The following ADRA1A variants were observed in gnomAD, a reference collection of about 807,000 sequenced individuals.
The protein encoded by ADRA1A is alpha-1A adrenergic receptor.
In ADRA1A, 31 loss-of-function variants were observed where a neutral mutation model predicts 29.6. The ratio of observed to expected loss-of-function variants is 1.05; its 90% CI spans 0.79 to 1.41. ADRA1A has a LOEUF of 1.41. Ranked by LOEUF, ADRA1A falls within the 40% of genes most tolerant of loss-of-function variation. The pLI is 0.00. For missense variants in ADRA1A, 619 were observed against 601.1 expected, an observed-to-expected ratio of 1.03 and a Z score of -0.31; for synonymous variants, 311 against 254.3, an observed-to-expected ratio of 1.22 and a Z score of -2.12.
chr8:26,864,343 C>T lies in ADRA1A; in HGVS notation c.627G>A (p.Val209=). The T allele has an allele frequency of 1.2e-6, 2 of 1,614,058 alleles. No individual in the cohort carries two copies. The highest frequency in any genetic ancestry group is 1.7e-5 in the Admixed American group (1 of 60,028). ...IILVMYCRVY[V]VAKRESRGLK... is the part of the protein sequence containing the mutation. ...GGCCCCGGCTCTCCCTCTTGGCCAC[C>T]ACGTAGACGCGGCAGTACATGACCA... The change falls in exon 2 of 3, where the codon GTG becomes GTA. Residue 209 remains valine (V), a synonymous_variant. Coordinates refer to ENST00000380573, the MANE Select transcript of ADRA1A (RefSeq NM_000680.4). This position sits in a 1 kb window ranked among gnomAD's most constrained non-coding sequence, Gnocchi z 8.1.
Position 26,772,882 on chromosome 8 carries a change from C to A in ADRA1A, c.884-2216G>T, listed in dbSNP as rs2132448. Among the ~76,000 whole-genome samples the A allele has an allele frequency of 2.2e-3, 170 of 78,502 alleles. 2 individuals carry two copies. In the East Asian group the frequency reaches 0.15, roughly 69 times the overall value. 51.5% of individuals were successfully genotyped at this position (78,502 alleles called of 152,430 possible). A position where few individuals can be genotyped will look rare whatever the true frequency, so the allele number is the denominator to read the frequency against. On this transcript the variant is annotated intron_variant, in intron 2 of 2. Coordinates refer to ENST00000380573, the MANE Select transcript of ADRA1A (RefSeq NM_000680.4). ...ATTCACACACACACACACACACACACAATGGGTGTTTATTTGGAAAACATG... is the reference window on the plus strand; with the variant it reads ...ATTCACACACACACACACACACACAAAATGGGTGTTTATTTGGAAAACATG...
chr8:26,781,050 G>C (rs964593714), intron 2 of ADRA1A, among the ~76,000 whole-genome samples: 1 of 152,186 alleles, frequency 6.6e-6, no homozygotes, highest in Non-Finnish European at 1.5e-5. Flanking sequence ...GAATCATCCT[G>C]AAACCATCCT....
chr8:26,822,330 G>C (rs868216853), intron 2 of ADRA1A, among the ~76,000 whole-genome samples: 14 of 152,142 alleles, frequency 9.2e-5, no homozygotes, highest in African/African-American at 3.1e-4. Context: ...AAAATGTTTT[G>C]TTAAATTGTC....
At position 26,860,343 on chromosome 8, in the gene ADRA1A, G is replaced by A. The variant is rs528591354; in HGVS notation, c.883+3744C>T. 6.6e-6 allele frequency among the ~76,000 whole-genome samples: 1 copy of A among 152,222 alleles called. No individual in the cohort carries two copies. Among genetic ancestry groups the A allele is most frequent in the East Asian group, 1.9e-4 (1 of 5,164 alleles). ...CTCCTTCTACAACCTGGCTGTGGAT[G>A]CTCCCTAACCTGACCGAGTCTGTGT... On this transcript the variant is annotated intron_variant, in intron 2 of 2. Transcript: ENST00000380573. The surrounding 1 kb of genome is among the most constrained non-coding windows in gnomAD (Gnocchi z 4.7).
chr8:26,754,848 C>T (rs769101954), downstream of ADRA1A, among the ~76,000 whole-genome samples: 1 of 152,144 alleles, frequency 6.6e-6, no homozygotes, highest in Non-Finnish European at 1.5e-5. Context: ...ACCTCTGCTC[C>T]ATCAGGTTTG....
intron 2 of ADRA1A, among the ~76,000 whole-genome samples, chr8:26,777,416 A>G (rs114976820): frequency 6.6e-6 from 1 of 152,204 alleles, no homozygotes; most frequent in South Asian, 2.1e-4. Flanking sequence ...TTCAGCCTGG[A>G]TCCCAGGTAG....
chr8:26,861,696 C>T (rs2130789339), intron 2 of ADRA1A, among the ~76,000 whole-genome samples: 1 of 152,322 alleles, frequency 6.6e-6, no homozygotes. Flanking sequence ...CAGCCCCTTG[C>T]AGCCACATAA....
At chr8:26,799,440 A>G (rs1808415262) in intron 2 of ADRA1A, among the ~76,000 whole-genome samples, 1 of 152,186 alleles carries the variant, frequency 6.6e-6, no homozygotes, top group African/African-American at 2.4e-5. Context: ...ACTTCCAGTG[A>G]ATCTGTGTGC....
chr8:26,859,014 G>T (rs900962403), intron 2 of ADRA1A: 3 of 1,211,842 alleles, frequency 2.5e-6, no homozygotes, highest in Admixed American at 6.7e-5. Context: ...GACCTTTGCA[G>T]TCAAATAGCC....
At chr8:26,811,361 T>G (rs1301541138) in intron 2 of ADRA1A, among the ~76,000 whole-genome samples, 1 of 152,076 alleles carries the variant, frequency 6.6e-6, no homozygotes, top group Non-Finnish European at 1.5e-5. Context: ...CTCGGAGAAT[T>G]TTTTGTATTT....
downstream of ADRA1A, among the ~76,000 whole-genome samples, chr8:26,761,846 A>T (rs1051550675): frequency 1.4e-4 from 22 of 152,200 alleles, no homozygotes; most frequent in African/African-American, 7.2e-5. Context: ...AGTTGGCAGA[A>T]GGACTCTGTG....
intron 2 of ADRA1A, among the ~76,000 whole-genome samples, chr8:26,819,042 A>G (rs373404733): frequency 2.5e-4 from 38 of 152,338 alleles, no homozygotes; most frequent in African/African-American, 8.9e-4. Context: ...GAGACACATT[A>G]TAATCAAATT....
chr8:26,829,929 C>T (rs1810847058), intron 2 of ADRA1A, among the ~76,000 whole-genome samples: 1 of 144,726 alleles, frequency 6.9e-6, no homozygotes, highest in African/African-American at 2.6e-5. Flanking sequence ...ATAGTGGCTC[C>T]ACACTCCTAA....
chr8:26,781,974 C>A (rs763319745), intron 2 of ADRA1A, among the ~76,000 whole-genome samples: 13 of 152,212 alleles, frequency 8.5e-5, no homozygotes, highest in Non-Finnish European at 1.9e-4. Flanking sequence ...TGGGTTTTTG[C>A]TTCCGGACTG....
chr8:26,842,777 TC>T (rs1346322225), intron 2 of ADRA1A, among the ~76,000 whole-genome samples: 2 of 151,894 alleles, frequency 1.3e-5, no homozygotes, highest in Non-Finnish European at 1.5e-5. Context: ...CTGGTCTGGG[TC>T]AATAATATTG....
chr8:26,825,297 G>C lies in ADRA1A; in HGVS notation c.883+38790C>G, dbSNP rs1334596692. On this transcript the variant is annotated intron_variant, in intron 2 of 2. Coordinates refer to ENST00000380573, the MANE Select transcript of ADRA1A (RefSeq NM_000680.4). This position sits in a 1 kb window ranked among gnomAD's most constrained non-coding sequence, Gnocchi z 5.7. Reference sequence around the variant, plus strand: ...TTTTCTTCTTTCTGATTGTAGCTCAGCTCCTTTTCTTTTCTTCTCTCTTCT... The same window carrying C: ...TTTTCTTCTTTCTGATTGTAGCTCACCTCCTTTTCTTTTCTTCTCTCTTCT... 4.6e-5 allele frequency among the ~76,000 whole-genome samples: 7 copies of C among 151,568 alleles called. No individual in the cohort carries two copies. Among genetic ancestry groups the C allele is most frequent in the Non-Finnish European group, 1.0e-4 (7 of 67,932 alleles).
chr8:26,847,710 C>T (rs1327624164), intron 2 of ADRA1A, among the ~76,000 whole-genome samples: 1 of 152,212 alleles, frequency 6.6e-6, no homozygotes, highest in Non-Finnish European at 1.5e-5. Context: ...CTCATGTGCC[C>T]TTTGTCAACC....
intron 2 of ADRA1A, among the ~76,000 whole-genome samples, chr8:26,832,228 C>G (rs1044175550): frequency 4.6e-5 from 7 of 152,186 alleles, no homozygotes; most frequent in Non-Finnish European, 1.0e-4. Flanking sequence ...AGGCTGCTCT[C>G]CTGCCTTGCT....
At chr8:26,768,074 C>T (rs899184953), downstream of ADRA1A, among the ~76,000 whole-genome samples, 63 of 152,262 alleles carry the variant, frequency 4.1e-4, no homozygotes, top group African/African-American at 1.5e-3. Flanking sequence ...AGTAAGAAGA[C>T]ACTCTTCAGA....
Sources: allele counts gnomAD v4.1 joint callset (sites outside exome capture counted in the v4.1 genomes callset), GRCh38; gene constraint gnomAD v4.1.1; non-coding constraint Gnocchi (gnomAD v3.1); transcripts MANE v1.5; gene names NCBI Gene and HGNC (gene_info 2026-07-23, HGNC 2026-07-21).